The following TRIM37 variants were observed in gnomAD, a reference collection of about 807,000 sequenced individuals.
The protein encoded by TRIM37 is tripartite motif containing 37, also known as E3 ubiquitin-protein ligase TRIM37.
Under a neutral mutation model 129.8 loss-of-function variants are expected in TRIM37, and 80 were observed. That is an observed-to-expected ratio of 0.62 (90% CI 0.51 to 0.74). TRIM37 has a LOEUF of 0.74. Among genes scored for constraint, TRIM37 ranks in the 30% least tolerant of loss-of-function variants. The probability of loss-of-function intolerance (pLI) is 0.00; values close to 1 mark genes in which losing one functional copy is unlikely to be tolerated. For synonymous variants in TRIM37, 389 were observed against 387.1 expected, an observed-to-expected ratio of 1.00 and a Z score of -0.06; for missense variants, 1,054 against 1,176.5, an observed-to-expected ratio of 0.90 and a Z score of 1.52.
Position 58,999,485 on chromosome 17 carries a change from T to C in TRIM37, c.2813-26A>G, listed in dbSNP as rs28369458. 106 of 1,562,166 alleles carry C rather than the reference T, an allele frequency of 6.8e-5. 1 individual carries two copies. The South Asian group carries it at 1.1e-3, about 17-fold the overall frequency. The stretch of plus-strand genomic sequence containing the variant: ...CTATGATTAAAAAATAAATAAAAAA[T>C]TTAAAATTTAAAAGCATATAACAAG... On this transcript the variant is annotated intron_variant, in intron 23 of 23. Transcript: ENST00000262294.
chr17:59,104,429 T>C lies in TRIM37; in HGVS notation c.22-35A>G, dbSNP rs774182626. ...GTAAAAGATGTAAGGTCCACCAGTT[T>C]AGGCTACTGAATCAAGAGTAAAAGG... On this transcript the variant is annotated intron_variant, in intron 1 of 23. Coordinates refer to ENST00000262294, the MANE Select transcript of TRIM37 (RefSeq NM_015294.6). The C allele has an allele frequency of 3.2e-6, 5 of 1,583,454 alleles. No individual in the cohort carries two copies. The South Asian group carries it at 5.5e-5, about 18-fold the overall frequency.
chr17:59,063,336 C>T (rs968451801), intron 10 of TRIM37, among the ~76,000 whole-genome samples: 3 of 152,060 alleles, frequency 2.0e-5, no homozygotes, highest in Admixed American at 6.6e-5. Context: ...CCCACCACCA[C>T]GCCCAGCTAA....
At chr17:58,983,281 T>C (rs1401299668) in intron 24 of TRIM37, 1 of 184,794 alleles carries the variant, frequency 5.4e-6, no homozygotes, top group Non-Finnish European at 1.1e-5. Context: ...ATAGCAACTA[T>C]TCATTTGTTC....
rs2038509126 is a variant in TRIM37 at position 59,036,452 on chromosome 17, G to A, written c.1754-4362C>T. Among the ~76,000 whole-genome samples the A allele has an allele frequency of 2.2e-5, 3 of 139,184 alleles. No homozygotes were observed. The South Asian group carries it at 6.9e-4, about 32-fold the overall frequency. The allele number at this position is 139,184 out of a possible 152,430, so 91.3% of individuals were successfully genotyped here. A position where few individuals can be genotyped will look rare whatever the true frequency, so the allele number is the denominator to read the frequency against. ...TCTAGTTTGTATTTGCTGGGGGTGTGTGTGTGTGTGTGTGTGTGTGTGTGT... is the reference window on the plus strand; with the variant it reads ...TCTAGTTTGTATTTGCTGGGGGTGTATGTGTGTGTGTGTGTGTGTGTGTGT... On this transcript the variant is annotated intron_variant, in intron 17 of 23. Transcript: ENST00000262294.
intron 13 of TRIM37, among the ~76,000 whole-genome samples, chr17:59,056,607 G>T (rs904075287): frequency 1.3e-5 from 2 of 149,362 alleles, no homozygotes; most frequent in Non-Finnish European, 3.0e-5. Flanking sequence ...GCGGGCGCCT[G>T]TAGTCCCAGC....
the TRIM37 span, among the ~76,000 whole-genome samples, chr17:58,970,519 C>G: frequency 6.6e-6 from 1 of 152,102 alleles, no homozygotes; most frequent in African/African-American, 2.4e-5. Context: ...AACATTAACT[C>G]TTTTTAAAAT....
rs532818049 is a variant in TRIM37, at chr17:59,054,634, C to T, written c.1199+2241G>A. On this transcript the variant is annotated intron_variant, in intron 13 of 23. Coordinates refer to ENST00000262294, the MANE Select transcript of TRIM37 (RefSeq NM_015294.6). Reference sequence around the variant, plus strand: ...AAAAACTTCTGACCTGTAAAGACTACCCCACGTTAAACAGGGCTGTTGTTT... The same window carrying T: ...AAAAACTTCTGACCTGTAAAGACTATCCCACGTTAAACAGGGCTGTTGTTT... Among the ~76,000 whole-genome samples, 11 of 151,000 alleles carry T rather than the reference C, an allele frequency of 7.3e-5. No homozygotes were observed. The South Asian group carries it at 1.9e-3, about 26-fold the overall frequency.
chr17:59,042,112 C>T (rs1035392701), intron 16 of TRIM37, among the ~76,000 whole-genome samples: 1 of 152,018 alleles, frequency 6.6e-6, no homozygotes, highest in Non-Finnish European at 1.5e-5. Flanking sequence ...CGCGGTGGCT[C>T]ATGCCTGTAA....
chr17:59,038,000 A>G (rs2038745326), intron 17 of TRIM37, among the ~76,000 whole-genome samples: 1 of 152,144 alleles, frequency 6.6e-6, no homozygotes, highest in African/African-American at 2.4e-5. Context: ...TTTAGGGGGA[A>G]GATACTACAG....
At chr17:59,029,265 A>C (rs546508642) in intron 18 of TRIM37, among the ~76,000 whole-genome samples, 85 of 152,184 alleles carry the variant, frequency 5.6e-4, no homozygotes, top group Admixed American at 3.2e-3. Context: ...CTATCTGTAC[A>C]AAAAAAAATT....
At chr17:58,974,100 C>T in the TRIM37 span, among the ~76,000 whole-genome samples, 1 of 152,178 alleles carries the variant, frequency 6.6e-6, no homozygotes, top group East Asian at 1.9e-4. Context: ...TGCACTCCAG[C>T]CTGGGCCAAG....
chr17:59,053,185 G>T (rs1413888069), intron 13 of TRIM37, among the ~76,000 whole-genome samples: 1 of 152,026 alleles, frequency 6.6e-6, no homozygotes, highest in African/African-American at 2.4e-5. Flanking sequence ...CTAATATTTT[G>T]CCATTAAAAC....
intron 3 of TRIM37, among the ~76,000 whole-genome samples, chr17:59,090,521 C>T (rs974591897): frequency 1.3e-5 from 2 of 152,112 alleles, no homozygotes; most frequent in Admixed American, 1.3e-4. Flanking sequence ...AGTGAGAAGA[C>T]AGGGTAGGGA....
chr17:59,034,108 A>G (rs1027053225), intron 17 of TRIM37, among the ~76,000 whole-genome samples: 4 of 147,464 alleles, frequency 2.7e-5, no homozygotes, highest in Non-Finnish European at 4.5e-5. Flanking sequence ...CTCCATCTCA[A>G]AAAAAAAAAA....
chr17:59,101,673 AAAAAATAT>A (rs2045501251), intron 2 of TRIM37, among the ~76,000 whole-genome samples: 6 of 116,888 alleles, frequency 5.1e-5, no homozygotes, highest in African/African-American at 7.5e-5. Flanking sequence ...AAAAAAAAAA[AAAAAATAT>A]ATATATATAT....
Position 59,064,406 on chromosome 17 carries a change from C to T in TRIM37, c.810-1G>A, listed in dbSNP as rs386834006. 1 of 1,558,584 alleles carries T rather than the reference C, an allele frequency of 6.4e-7. No homozygotes were observed. The highest frequency in any genetic ancestry group is 1.4e-5 in the African/African-American group (1 of 71,474). ...TGAATCGTAAGATGGCACTAATTCA[C>T]TAAAAAAAAAAAGGCAAAAAAAATT... On this transcript the variant is annotated splice_acceptor_variant, in intron 9 of 23. Coordinates refer to ENST00000262294, the MANE Select transcript of TRIM37 (RefSeq NM_015294.6). LOFTEE classifies it high-confidence loss of function.
intron 19 of TRIM37, among the ~76,000 whole-genome samples, chr17:59,026,619 T>C (rs939777205): frequency 4.6e-5 from 7 of 152,304 alleles, no homozygotes; most frequent in African/African-American, 1.2e-4. Context: ...ATGAAAGACA[T>C]TGGAGAGGAC....
Position 59,045,626 on chromosome 17 carries a change from G to A in TRIM37, c.1667+2057C>T, listed in dbSNP as rs78951473. ...TGCACTTAAGCCCGGGTGACAGTGC[G>A]AAACTCCGTCACAAAAAAAAAAAAA... is the stretch of plus-strand genomic sequence containing the variant. On this transcript the variant is annotated intron_variant, in intron 16 of 23. Transcript: ENST00000262294. Among the ~76,000 whole-genome samples, 370 of 136,948 alleles carry A rather than the reference G, an allele frequency of 2.7e-3. 1 individual carries two copies. The highest frequency in any genetic ancestry group is 9.6e-3 in the African/African-American group (352 of 36,650). The allele number at this position is 136,948 out of a possible 152,430, so 89.8% of individuals were successfully genotyped here. A position where few individuals can be genotyped will look rare whatever the true frequency, so the allele number is the denominator to read the frequency against.
At chr17:59,094,449 T>C (rs2147386910) in intron 2 of TRIM37, among the ~76,000 whole-genome samples, 1 of 152,292 alleles carries the variant, frequency 6.6e-6, no homozygotes, top group Middle Eastern at 3.4e-3. Flanking sequence ...TTCAGATCTG[T>C]GTCTGATTCC....
Sources: gnomAD v4.1 joint callset for allele counts (sites outside exome capture counted in the v4.1 genomes callset) on GRCh38, gnomAD v4.1.1 for gene constraint, MANE v1.5 for transcripts, NCBI Gene and HGNC (gene_info 2026-07-23, HGNC 2026-07-21) for gene names.